DPH6: variants seen among roughly 807,000 people sequenced by gnomAD.
DPH6 encodes diphthamine biosynthesis 6, also known as diphthine--ammonia ligase.
Under a neutral mutation model 38.2 loss-of-function variants are expected in DPH6, and 33 were observed. That is an observed-to-expected ratio of 0.86 (90% CI 0.65 to 1.15). The LOEUF (loss-of-function observed/expected upper bound fraction) is 1.15. Ranked by LOEUF, DPH6 falls within the 50% of genes most tolerant of loss-of-function variation. The pLI, the probability that DPH6 is intolerant of heterozygous loss-of-function variation, is 0.00. For synonymous variants in DPH6, 108 were observed against 103.0 expected, an observed-to-expected ratio of 1.05 and a Z score of -0.30; for missense variants, 325 against 320.0, an observed-to-expected ratio of 1.02 and a Z score of -0.12.
chr15:35,296,018 CA>C (rs1315149399), intron 3 of DPH6, among the ~76,000 whole-genome samples: 2 of 151,970 alleles, frequency 1.3e-5, no homozygotes, highest in African/African-American at 4.8e-5. Context: ...CTGTTCACTG[CA>C]AACTCTGCCT....
the DPH6 span, among the ~76,000 whole-genome samples, chr15:35,205,141 G>A: frequency 6.6e-6 from 1 of 151,932 alleles, no homozygotes; most frequent in African/African-American, 2.4e-5. Context: ...ATTACTTAGA[G>A]TTTGATTTTT....
intron 3 of DPH6, among the ~76,000 whole-genome samples, chr15:35,343,268 T>C (rs1365381893): frequency 6.6e-6 from 1 of 152,160 alleles, no homozygotes; most frequent in African/African-American, 2.4e-5. Context: ...TTGTAATGAA[T>C]TGAATATTGT....
At chr15:35,277,221 G>T (rs2051865224) in intron 3 of DPH6, among the ~76,000 whole-genome samples, 1 of 152,074 alleles carries the variant, frequency 6.6e-6, no homozygotes, top group African/African-American at 2.4e-5. Flanking sequence ...TTGATTCTCA[G>T]CTTGGTTCCT....
chr15:35,261,400 G>C (rs1017441907), intron 3 of DPH6, among the ~76,000 whole-genome samples: 2 of 152,010 alleles, frequency 1.3e-5, no homozygotes, highest in Non-Finnish European at 2.9e-5. Flanking sequence ...TCTTTTTTCT[G>C]TGTTTTTTAG....
Position 35,340,572 on chromosome 15 carries a change from G to A in DPH6, n.208-9495C>T, listed in dbSNP as rs77758285. Among the ~76,000 whole-genome samples, 30 of 152,200 alleles carry A rather than the reference G, an allele frequency of 2.0e-4. No homozygotes were observed. The East Asian group carries it at 4.6e-3, about 24-fold the overall frequency. On this transcript the variant is annotated intron_variant and non_coding_transcript_variant, in intron 3 of 3. Coordinates refer to the DPH6 transcript ENST00000558973. ...TCAGGAGCTCTTGCAAGGCAAACCT[G>A]GTAGTGACAAACTCCCTCAGCATGT...
chr15:35,495,271 G>T (rs1477883427), intron 3 of DPH6, among the ~76,000 whole-genome samples: 1 of 152,038 alleles, frequency 6.6e-6, no homozygotes, highest in Non-Finnish European at 1.5e-5. Flanking sequence ...TTATGAAGAG[G>T]AGATTATAAC....
At chr15:35,311,082 A>ACAACAACAACAAC (rs111481052) in intron 3 of DPH6, among the ~76,000 whole-genome samples, 1 of 148,106 alleles carries the variant, frequency 6.8e-6, no homozygotes, top group African/African-American at 2.5e-5. Flanking sequence ...AACAACAACA[A>ACAACAACAACAAC]AAAAAAAAAC....
At chr15:35,499,054 C>T (rs1231842312) in intron 3 of DPH6, among the ~76,000 whole-genome samples, 2 of 151,852 alleles carry the variant, frequency 1.3e-5, no homozygotes, top group Admixed American at 6.6e-5. Context: ...TAGCCATTCC[C>T]ACCATACTGC....
chr15:35,479,423 A>G (rs1404433078), intron 3 of DPH6, among the ~76,000 whole-genome samples: 1 of 152,090 alleles, frequency 6.6e-6, no homozygotes, highest in Non-Finnish European at 1.5e-5. Context: ...AAGTGCAGAG[A>G]AGTGGTTTTG....
chr15:35,431,473 G>A (rs2053631827), intron 5 of DPH6, among the ~76,000 whole-genome samples: 1 of 152,116 alleles, frequency 6.6e-6, no homozygotes, highest in African/African-American at 2.4e-5. Context: ...TTTGAGTCCA[G>A]TACTCTTTCC....
chr15:35,411,708 T>C (rs901793479), intron 5 of DPH6, among the ~76,000 whole-genome samples: 5 of 151,746 alleles, frequency 3.3e-5, no homozygotes, highest in Admixed American at 2.0e-4. Context: ...TATTTACATA[T>C]ATTGGCATAG....
At chr15:35,488,055 T>C (rs1473210880) in intron 3 of DPH6, among the ~76,000 whole-genome samples, 1 of 152,194 alleles carries the variant, frequency 6.6e-6, no homozygotes, top group Non-Finnish European at 1.5e-5. Flanking sequence ...ATAGAAAGAA[T>C]GACCTTTGCT....
the DPH6 span, among the ~76,000 whole-genome samples, chr15:35,171,077 G>A: frequency 6.6e-6 from 1 of 152,272 alleles, no homozygotes; most frequent in African/African-American, 2.4e-5. Context: ...CATCAGATAG[G>A]GAGTTAGAAG....
At chr15:35,386,889 C>T (rs994753277) in intron 6 of DPH6, among the ~76,000 whole-genome samples, 33 of 152,058 alleles carry the variant, frequency 2.2e-4, no homozygotes, top group Admixed American at 5.9e-4. Flanking sequence ...CCATTGCTTT[C>T]GGTGTTTTAG....
intron 1 of DPH6, among the ~76,000 whole-genome samples, chr15:35,545,873 G>A (rs1282246536): frequency 6.6e-6 from 1 of 152,136 alleles, no homozygotes; most frequent in Non-Finnish European, 1.5e-5. Context: ...TGAATCCAAT[G>A]GGAATCCAAG....
intron 3 of DPH6, among the ~76,000 whole-genome samples, chr15:35,276,628 A>T (rs1415136718): frequency 1.3e-5 from 2 of 152,158 alleles, no homozygotes; most frequent in Non-Finnish European, 2.9e-5. Flanking sequence ...AAAGATGAGG[A>T]TCCAGTTTCA....
intron 3 of DPH6, among the ~76,000 whole-genome samples, chr15:35,498,786 C>G (rs540513168): frequency 6.6e-6 from 1 of 151,654 alleles, no homozygotes; most frequent in Non-Finnish European, 1.5e-5. Context: ...GCTTTTTTTA[C>G]GTAGATGCCG....
intron 3 of DPH6, chr15:35,298,533 C>T: frequency 1.3e-6 from 1 of 780,218 alleles, no homozygotes; most frequent in African/African-American, 1.7e-5. Flanking sequence ...CTTAGTAGGA[C>T]CACTTTATTA....
Position 35,241,547 on chromosome 15 carries a change from T to A in DPH6, n.201-20965A>T, listed in dbSNP as rs1040488742. On this transcript the variant is annotated intron_variant and non_coding_transcript_variant, in intron 3 of 3. Transcript: ENST00000560386. ...GTTCCCTTATTAGGCCGAGATATTT[T>A]AACCAAATTATCTGCTTCCCTGACT... Among the ~76,000 whole-genome samples, 5 of 142,642 alleles carry A rather than the reference T, an allele frequency of 3.5e-5. 1 individual carries two copies. Among genetic ancestry groups the A allele is most frequent in the African/African-American group, 1.3e-4 (5 of 39,390 alleles). The allele number at this position is 142,642 out of a possible 152,430, so 93.6% of individuals were successfully genotyped here.
Sources: gnomAD v4.1 joint callset for allele counts (sites outside exome capture counted in the v4.1 genomes callset) on GRCh38, gnomAD v4.1.1 for gene constraint, MANE v1.5 for transcripts, NCBI Gene and HGNC (gene_info 2026-07-23, HGNC 2026-07-21) for gene names.